PALD1: variants seen among roughly 807,000 people sequenced by gnomAD.
PALD1 encodes phosphatase domain containing paladin 1.
In PALD1, 57 loss-of-function variants were observed where a neutral mutation model predicts 96.0. The observed-to-expected ratio is 0.59, with a 90% CI of 0.48 to 0.74. The LOEUF is 0.74. Ranked by LOEUF, PALD1 falls within the 30% of genes least tolerant of loss-of-function variation. The pLI is 0.00. For missense variants in PALD1, 1,063 were observed against 1,143.7 expected, an observed-to-expected ratio of 0.93 and a Z score of 1.02; for synonymous variants, 464 against 473.6, an observed-to-expected ratio of 0.98 and a Z score of 0.26.
At position 70,539,749 on chromosome 10, in the gene PALD1, C is replaced by T. The variant is rs983714562; in HGVS notation, c.1895C>T (p.Ala632Val). Residue 632 changes from alanine to valine, a missense_variant, in exon 15 of 20, where the codon GCC becomes GTC. Coordinates refer to ENST00000263563, the MANE Select transcript of PALD1 (RefSeq NM_014431.3). The surrounding 1 kb of genome is among the most constrained non-coding windows in gnomAD (Gnocchi z 4.5). The part of the protein sequence containing the change: ...YHRIPMPDFC[A>V]PREEDFDQLL... ...CGCATCCCCATGCCGGACTTCTGTG[C>T]CCCCCGAGAGGAGGTGAGGGTGCTG... 2.5e-6 allele frequency: 4 copies of T among 1,609,386 alleles called. No individual in the cohort carries two copies. The highest frequency in any genetic ancestry group is 3.4e-6 in the Non-Finnish European group (4 of 1,178,650).
chr10:70,559,204 G>A (rs1847681143), intron 18 of PALD1, among the ~76,000 whole-genome samples: 1 of 152,170 alleles, frequency 6.6e-6, no homozygotes, highest in Non-Finnish European at 1.5e-5. Context: ...TCCATGAGAA[G>A]GTGGTGTTGA....
chr10:70,513,705 T>C (rs533190429), intron 1 of PALD1, among the ~76,000 whole-genome samples: 15 of 152,344 alleles, frequency 9.8e-5, no homozygotes, highest in Admixed American at 3.3e-4. Flanking sequence ...TGTTAACTTA[T>C]TTATCCAGCA....
At chr10:70,497,362 G>A (rs1846212462) in intron 1 of PALD1, among the ~76,000 whole-genome samples, 1 of 152,196 alleles carries the variant, frequency 6.6e-6, no homozygotes, top group South Asian at 2.1e-4. Flanking sequence ...GCCTGTCTGG[G>A]GCCGGCGCAT....
chr10:70,513,621 G>T (rs1846562418), intron 1 of PALD1, among the ~76,000 whole-genome samples: 2 of 152,154 alleles, frequency 1.3e-5, no homozygotes, highest in South Asian at 4.1e-4. Context: ...GACATCAAGA[G>T]GCATTACCCC....
chr10:70,477,777 C>A (rs888504562), upstream of PALD1, among the ~76,000 whole-genome samples: 7 of 152,188 alleles, frequency 4.6e-5, no homozygotes, highest in Admixed American at 3.9e-4. Context: ...AACCCCAGCT[C>A]GCCGAAATCC....
intron 17 of PALD1, among the ~76,000 whole-genome samples, chr10:70,543,642 C>G (rs1386375845): frequency 1.3e-5 from 2 of 152,192 alleles, no homozygotes; most frequent in Non-Finnish European, 2.9e-5. Flanking sequence ...AAGAGTCTGT[C>G]TTTCCCCATT....
chr10:70,496,615 AGTAGGGTTCCATG>A (rs1489189618), intron 1 of PALD1, among the ~76,000 whole-genome samples: 1 of 152,156 alleles, frequency 6.6e-6, no homozygotes, highest in Non-Finnish European at 1.5e-5. Flanking sequence ...TTCATTGCTG[AGTAGGGTTCCATG>A]GTAGGGACAA....
chr10:70,460,321 C>T, the PALD1 span, among the ~76,000 whole-genome samples: 4 of 152,268 alleles, frequency 2.6e-5, no homozygotes, highest in South Asian at 2.1e-4. Flanking sequence ...CCATGGTGCC[C>T]GGCCTTTGTC....
At chr10:70,558,327 C>T (rs1847657476) in intron 18 of PALD1, among the ~76,000 whole-genome samples, 1 of 152,138 alleles carries the variant, frequency 6.6e-6, no homozygotes. Flanking sequence ...TCTTTGACCT[C>T]AGCCTCCCTT....
upstream of PALD1, among the ~76,000 whole-genome samples, chr10:70,475,517 A>G (rs1845812143): frequency 6.6e-6 from 1 of 151,086 alleles, no homozygotes; most frequent in South Asian, 2.1e-4. Context: ...GATGTTGTCC[A>G]CTCCTCAGGT....
chr10:70,563,178 G>A (rs1234920302), intron 18 of PALD1, among the ~76,000 whole-genome samples: 1 of 152,182 alleles, frequency 6.6e-6, no homozygotes, highest in Non-Finnish European at 1.5e-5. Flanking sequence ...CAGCAAGGTT[G>A]TGAACCGCTG....
At chr10:70,542,965 A>C (rs1457735038) in intron 17 of PALD1, among the ~76,000 whole-genome samples, 1 of 150,746 alleles carries the variant, frequency 6.6e-6, no homozygotes, top group Non-Finnish European at 1.5e-5. Context: ...TAGAGATGGG[A>C]GTTCACCGTG....
intron 18 of PALD1, among the ~76,000 whole-genome samples, chr10:70,558,088 A>G (rs12413943): frequency 0.51 from 77,107 of 151,544 alleles, 20,942 homozygotes; most frequent in Middle Eastern, 0.66. Flanking sequence ...GGCTACAGGC[A>G]TGTGCCACCA....
chr10:70,510,748 T>C (rs1478744458), intron 1 of PALD1, among the ~76,000 whole-genome samples: 2 of 152,216 alleles, frequency 1.3e-5, no homozygotes, highest in African/African-American at 2.4e-5. Context: ...GCAGAGAGGC[T>C]TGTGGTCTTT....
At position 70,534,427 on chromosome 10, in the gene PALD1, C is replaced by T. The variant is rs146549491; in HGVS notation, c.1025C>T (p.Ala342Val). The T allele has an allele frequency of 3.1e-3, 5,008 of 1,606,420 alleles. 27 individuals carry two copies. Among genetic ancestry groups the T allele is most frequent in the Non-Finnish European group, 3.4e-3 (3,958 of 1,175,738 alleles). ...ATGTACTGACCCTGCCTCGACAGGG[C>T]TGCCCCCACGCAGGCCAAGCCCCTG... ...HRSGTTSQPE[A>V]APTQAKPLPM... is the part of the protein sequence containing the mutation. Residue 342 changes from alanine (A) to valine (V), a missense_variant and splice_region_variant, in exon 9 of 20, where the codon GCT (alanine) becomes GTT (valine). Coordinates refer to ENST00000263563, the MANE Select transcript of PALD1 (RefSeq NM_014431.3).
At chr10:70,524,449 C>T (rs1254697260) in intron 1 of PALD1, among the ~76,000 whole-genome samples, 1 of 152,180 alleles carries the variant, frequency 6.6e-6, no homozygotes, top group Non-Finnish European at 1.5e-5. Context: ...TAAAAGATGT[C>T]CCAGCCATCT....
At position 70,529,318 on chromosome 10, in the gene PALD1, A is replaced by G. The variant is rs1846944563; in HGVS notation, c.275A>G (p.His92Arg). The change falls in exon 3 of 20, where the codon CAC (histidine) becomes CGC (arginine). Residue 92 changes from histidine (H) to arginine (R), a missense_variant. Coordinates refer to ENST00000263563, the MANE Select transcript of PALD1 (RefSeq NM_014431.3). ...LGRLSDNTPE[H>R]YLVQGRYFLV... Reference sequence around the variant, plus strand: ...CGGCTCTCGGACAACACCCCTGAGCACTACCTGGTGCAAGTGAGCTCAGGC... The same window carrying G: ...CGGCTCTCGGACAACACCCCTGAGCGCTACCTGGTGCAAGTGAGCTCAGGC... 2 of 1,580,282 alleles carry G rather than the reference A, an allele frequency of 1.3e-6. No individual in the cohort carries two copies. Among genetic ancestry groups the G allele is most frequent in the Non-Finnish European group, 1.7e-6 (2 of 1,156,620 alleles).
At chr10:70,549,115 G>A (rs1847428455) in intron 18 of PALD1, among the ~76,000 whole-genome samples, 1 of 149,620 alleles carries the variant, frequency 6.7e-6, no homozygotes, top group South Asian at 2.1e-4. Context: ...AGTTTCAGAA[G>A]ACGGACTTTG....
chr10:70,479,817 C>G (rs1250063332), intron 1 of PALD1, among the ~76,000 whole-genome samples: 1 of 152,196 alleles, frequency 6.6e-6, no homozygotes, highest in Non-Finnish European at 1.5e-5. Context: ...GGCCGAGCAC[C>G]TCTTAAATGC....
Sources: allele counts gnomAD v4.1 joint callset (sites outside exome capture counted in the v4.1 genomes callset), GRCh38; gene constraint gnomAD v4.1.1; non-coding constraint Gnocchi (gnomAD v3.1); transcripts MANE v1.5; gene names NCBI Gene and HGNC (gene_info 2026-07-23, HGNC 2026-07-21).